Variants in KIAA1328 observed in about 807,000 individuals in gnomAD.
KIAA1328 encodes the protein protein hinderin.
KIAA1328 carries 52 observed loss-of-function variants against 68.1 expected under a neutral mutation model. The ratio of observed to expected loss-of-function variants is 0.76; its 90% CI spans 0.61 to 0.96. The LOEUF (loss-of-function observed/expected upper bound fraction) is 0.96. KIAA1328 is among the 40% of genes least tolerant of loss of function. KIAA1328 has a pLI of 0.00. For missense variants in KIAA1328, 641 were observed against 677.6 expected (o/e 0.95, Z 0.60); for synonymous variants, 232 against 239.4 (o/e 0.97, Z 0.28).
chr18:36,949,856 A>G (rs540546713), intron 5 of KIAA1328, among the ~76,000 whole-genome samples: 1 of 152,108 alleles, frequency 6.6e-6, no homozygotes, highest in South Asian at 2.1e-4. Flanking sequence ...CCAATGGATT[A>G]CTGTCATCAG....
chr18:37,187,163 C>CAAAAAAAAAAAAAAAAAAA (rs796685868), intron 9 of KIAA1328, among the ~76,000 whole-genome samples: 2 of 139,888 alleles, frequency 1.4e-5, no homozygotes, highest in African/African-American at 5.3e-5. Context: ...GACTCCATCT[C>CAAAAAAAAAAAAAAAAAAA]AAAAAAAAAA....
chr18:37,084,272 C>A (rs748349605), intron 7 of KIAA1328: 1 of 1,204,062 alleles, frequency 8.3e-7, no homozygotes, highest in Non-Finnish European at 1.1e-6. Context: ...ATCTTAAGGG[C>A]ATAAATATTT....
chr18:36,914,984 A>T (rs2049627661), intron 5 of KIAA1328, among the ~76,000 whole-genome samples: 1 of 152,212 alleles, frequency 6.6e-6, no homozygotes, highest in South Asian at 2.1e-4. Context: ...CTGGATTGGT[A>T]AGGAGATCCC....
chr18:36,999,280 A>G (rs980039235), intron 6 of KIAA1328, among the ~76,000 whole-genome samples: 1 of 152,218 alleles, frequency 6.6e-6, no homozygotes, highest in African/African-American at 2.4e-5. Context: ...TATTTGGGAC[A>G]CAAAGACACT....
intron 9 of KIAA1328, among the ~76,000 whole-genome samples, chr18:37,198,002 G>T (rs971580127): frequency 7.2e-5 from 11 of 152,256 alleles, no homozygotes; most frequent in Non-Finnish European, 1.3e-4. Context: ...ATACTGTGGG[G>T]TATTATTTGG....
At chr18:36,912,420 T>C (rs1038876023) in intron 5 of KIAA1328, among the ~76,000 whole-genome samples, 2 of 151,844 alleles carry the variant, frequency 1.3e-5, no homozygotes, top group Admixed American at 6.6e-5. Flanking sequence ...ACTCTCTTTT[T>C]CTTCTCTATT....
rs375995782 is a variant in KIAA1328 at position 37,200,673 on chromosome 18, C to T, written c.1524-21344C>T. On this transcript the variant is annotated intron_variant, in intron 9 of 9. Transcript: ENST00000280020. The stretch of plus-strand genomic sequence containing the variant: ...AAAAATACAAAAAATTAGCCGGGCG[C>T]GGTGGCGGGCGCCTGTAGTCCCAGC... Among the ~76,000 whole-genome samples, 768 of 151,672 alleles carry T rather than the reference C, an allele frequency of 5.1e-3. 7 individuals carry two copies. Among genetic ancestry groups the T allele is most frequent in the Non-Finnish European group, 7.4e-3 (501 of 67,868 alleles).
At chr18:37,059,022 G>GT (rs914878414) in intron 6 of KIAA1328, among the ~76,000 whole-genome samples, 71 of 147,168 alleles carry the variant, frequency 4.8e-4, no homozygotes, top group South Asian at 1.1e-3. Context: ...AAGAAGTTGG[G>GT]TTTTTTTTTT....
intron 9 of KIAA1328, among the ~76,000 whole-genome samples, chr18:37,221,428 G>C (rs1424552947): frequency 6.6e-6 from 1 of 152,158 alleles, no homozygotes; most frequent in Non-Finnish European, 1.5e-5. Flanking sequence ...CTTGCAAATG[G>C]TAGAACAGAG....
intron 6 of KIAA1328, among the ~76,000 whole-genome samples, chr18:37,010,285 A>G (rs1346628098): frequency 6.6e-6 from 1 of 151,834 alleles, no homozygotes; most frequent in East Asian, 1.9e-4. Flanking sequence ...TCTACTAAAA[A>G]TGCAAAGATT....
At chr18:37,141,802 A>G (rs1415608590) in intron 7 of KIAA1328, among the ~76,000 whole-genome samples, 2 of 152,180 alleles carry the variant, frequency 1.3e-5, no homozygotes, top group African/African-American at 2.4e-5. Flanking sequence ...ATAGCATCTC[A>G]TTGTGGTTTT....
At chr18:36,953,373 TATAGATAG>T (rs10617798) in intron 5 of KIAA1328, among the ~76,000 whole-genome samples, 52,538 of 140,450 alleles carry the variant, frequency 0.37, 9,930 homozygotes, top group Middle Eastern at 0.46. Context: ...TGCCAACAAC[TATAGATAG>T]ATAGATAGAT....
intron 6 of KIAA1328, among the ~76,000 whole-genome samples, chr18:36,993,792 G>A (rs1028969823): frequency 6.6e-6 from 1 of 151,986 alleles, no homozygotes; most frequent in African/African-American, 2.4e-5. Context: ...AGTTTTGGGG[G>A]TAACACTAAG....
At chr18:36,865,744 G>A (rs2150907658) in intron 4 of KIAA1328, among the ~76,000 whole-genome samples, 1 of 152,184 alleles carries the variant, frequency 6.6e-6, no homozygotes, top group African/African-American at 2.4e-5. Context: ...ACCAGTTCAG[G>A]ATACACTCTG....
In KIAA1328 at chr18:36,875,346, G is replaced by A. The variant is rs572831385; in HGVS notation, c.333-10211G>A. ...TTTGTGTCCTTTCTTATTTCCTTGA[G>A]CAGTGGTGTGTAGTTCTCCTTGAAG... On this transcript the variant is annotated intron_variant, in intron 4 of 9. Transcript: ENST00000280020. 2.6e-5 allele frequency among the ~76,000 whole-genome samples: 4 copies of A among 152,292 alleles called. No individual in the cohort carries two copies. In the East Asian group the frequency reaches 7.7e-4, roughly 29 times the overall value.
chr18:37,094,672 G>A (rs1181411546), intron 7 of KIAA1328, among the ~76,000 whole-genome samples: 1 of 152,100 alleles, frequency 6.6e-6, no homozygotes, highest in Non-Finnish European at 1.5e-5. Flanking sequence ...AAGAACAAAT[G>A]ATATACAAAA....
chr18:37,024,028 GGTCT>G (rs1180438583), intron 6 of KIAA1328, among the ~76,000 whole-genome samples: 1 of 151,690 alleles, frequency 6.6e-6, no homozygotes, highest in East Asian at 1.9e-4. Context: ...ACAAAGTCTT[GGTCT>G]GATGCCAGGC....
chr18:37,113,998 G>C (rs2058025620), intron 7 of KIAA1328, among the ~76,000 whole-genome samples: 1 of 152,170 alleles, frequency 6.6e-6, no homozygotes, highest in South Asian at 2.1e-4. Context: ...GGAGTACCCA[G>C]ATTCATAAAG....
chr18:37,127,707 C>T (rs2058426923), intron 7 of KIAA1328, among the ~76,000 whole-genome samples: 1 of 152,090 alleles, frequency 6.6e-6, no homozygotes, highest in African/African-American at 2.4e-5. Flanking sequence ...TCCTGGCAAG[C>T]TTTTTACAGA....
Sources: gnomAD v4.1 joint callset for allele counts (sites outside exome capture counted in the v4.1 genomes callset) on GRCh38, gnomAD v4.1.1 for gene constraint, MANE v1.5 for transcripts, NCBI Gene and HGNC (gene_info 2026-07-23, HGNC 2026-07-21) for gene names.